USO1: variants seen among roughly 807,000 people sequenced by gnomAD.
USO1 encodes general vesicular transport factor p115.
Under a neutral mutation model 124.5 loss-of-function variants are expected in USO1, and 57 were observed. The ratio of observed to expected loss-of-function variants is 0.46; its 90% CI spans 0.37 to 0.57. The LOEUF (loss-of-function observed/expected upper bound fraction) is 0.57. Among genes scored for constraint, USO1 ranks in the 20% least tolerant of loss-of-function variants. USO1 has a pLI of 0.00. For missense variants in USO1, 900 were observed against 1,040.6 expected (o/e 0.86, Z 1.86); for synonymous variants, 369 against 362.8 (o/e 1.02, Z -0.19).
intron 4 of USO1, among the ~76,000 whole-genome samples, chr4:75,757,943 T>C (rs780706114): frequency 1.3e-5 from 2 of 152,138 alleles, no homozygotes; most frequent in Non-Finnish European, 2.9e-5. Flanking sequence ...ATTAGAGAGT[T>C]TTTCCTAATA....
At chr4:75,803,211 T>C (rs1333470941) in intron 17 of USO1, among the ~76,000 whole-genome samples, 1 of 151,988 alleles carries the variant, frequency 6.6e-6, no homozygotes, top group Non-Finnish European at 1.5e-5. Flanking sequence ...GATTAAAAAT[T>C]ATGGTTTGAA....
chr4:75,805,176 G>A lies in USO1; in HGVS notation c.2162G>A (p.Gly721Glu). The A allele has an allele frequency of 6.2e-7, 1 of 1,609,916 alleles. No homozygotes were observed. Among genetic ancestry groups the A allele is most frequent in the Non-Finnish European group, 8.5e-7 (1 of 1,178,092 alleles). The part of the protein sequence containing the change: ...DNQHQGSYSE[G>E]AQMNGIQPEE... ...CAGCATCAAGGTTCTTACAGTGAGGGGGCTCAGATGAATGGCATTCAGCCA... is the reference window on the plus strand; with the variant it reads ...CAGCATCAAGGTTCTTACAGTGAGGAGGCTCAGATGAATGGCATTCAGCCA... The change falls in exon 19 of 24, where the codon GGG becomes GAG. Residue 721 changes from glycine (G) to glutamate (E), a missense_variant. Gly to Glu is a moderately conservative substitution (Grantham distance 98). Coordinates refer to ENST00000514213, the MANE Select transcript of USO1 (RefSeq NM_003715.4).
intron 1 of USO1, among the ~76,000 whole-genome samples, chr4:75,742,695 A>G (rs192047419): frequency 7.9e-5 from 12 of 152,352 alleles, no homozygotes; most frequent in Admixed American, 6.5e-4. Context: ...ATGAAAATAG[A>G]GTGGATCAAT....
chr4:75,794,104 T>C (rs1363711109), intron 13 of USO1, among the ~76,000 whole-genome samples: 1 of 152,212 alleles, frequency 6.6e-6, no homozygotes. Flanking sequence ...TTATAAGGTC[T>C]GCATCATGAT....
At chr4:75,734,298 G>C (rs565742576) in intron 1 of USO1, among the ~76,000 whole-genome samples, 10 of 152,042 alleles carry the variant, frequency 6.6e-5, no homozygotes, top group African/African-American at 2.4e-4. Flanking sequence ...AATCCATCTT[G>C]AGTTAATTTT....
intron 1 of USO1, among the ~76,000 whole-genome samples, chr4:75,749,159 C>T (rs932687229): frequency 1.3e-5 from 2 of 152,152 alleles, no homozygotes; most frequent in Admixed American, 1.3e-4. Context: ...GTAAAGACTC[C>T]TAGAAATCAT....
rs1255431586 is a variant in USO1, at chr4:75,724,842, T to C, written c.23T>C (p.Met8Thr). 6.2e-7 allele frequency: 1 copy of C among 1,612,530 alleles called. No individual in the cohort carries two copies. The highest frequency in any genetic ancestry group is 8.5e-7 in the Non-Finnish European group (1 of 1,179,460). Residue 8 changes from methionine to threonine, a missense_variant, in exon 1 of 24, where the codon ATG becomes ACG. Physicochemically the swap from Met to Thr is moderately conservative, Grantham distance 81. Transcript: ENST00000514213. ...AAGATGAATTTCCTCCGCGGGGTAA[T>C]GGGGGGTCAGAGTGCCGGACCCCAG... is the stretch of plus-strand genomic sequence containing the variant. MNFLRGV[M>T]GGQSAGPQHT... is the part of the protein sequence containing the mutation.
At chr4:75,807,881 A>T (rs1489873663) in intron 20 of USO1, among the ~76,000 whole-genome samples, 2 of 152,014 alleles carry the variant, frequency 1.3e-5, no homozygotes, top group Admixed American at 1.3e-4. Flanking sequence ...TAAACTTTAG[A>T]TTGTTAAAAT....
intron 18 of USO1, 49 bp downstream of exon 18, chr4:75,804,321 C>T: frequency 6.4e-7 from 1 of 1,570,672 alleles, no homozygotes; most frequent in South Asian, 1.2e-5. Flanking sequence ...TCATTCTTTC[C>T]TCAAGAGCTA....
chr4:75,764,794 A>T (rs970394549), intron 4 of USO1, among the ~76,000 whole-genome samples: 1 of 152,232 alleles, frequency 6.6e-6, no homozygotes, highest in African/African-American at 2.4e-5. Flanking sequence ...ATAAGTTGCC[A>T]CTATTATAAA....
intron 1 of USO1, among the ~76,000 whole-genome samples, chr4:75,734,447 G>A (rs1025134768): frequency 2.0e-5 from 3 of 152,088 alleles, no homozygotes; most frequent in Non-Finnish European, 4.4e-5. Flanking sequence ...GATGGTTGTA[G>A]GTGTGTGGCT....
At chr4:75,795,455 T>C (rs1722651682) in intron 13 of USO1, 1 of 679,136 alleles carries the variant, frequency 1.5e-6, no homozygotes, top group Admixed American at 2.3e-5. Context: ...ACTGCTTGTT[T>C]GAAGTTACAT....
intron 9 of USO1, among the ~76,000 whole-genome samples, chr4:75,784,858 C>T (rs1350182030): frequency 1.3e-5 from 2 of 151,742 alleles, no homozygotes; most frequent in South Asian, 2.1e-4. Flanking sequence ...ACAGTATTCT[C>T]GTTATATAAC....
At chr4:75,781,195 G>A (rs1560451741) in intron 8 of USO1, among the ~76,000 whole-genome samples, 1 of 152,108 alleles carries the variant, frequency 6.6e-6, no homozygotes. Flanking sequence ...GACTTTAGTG[G>A]AGGAACCAAC....
chr4:75,800,937 G>A, intron 16 of USO1, 138 bp downstream of exon 16: 6 of 1,417,364 alleles, frequency 4.2e-6, no homozygotes, highest in Non-Finnish European at 5.6e-6. Context: ...GTAGCCCATT[G>A]AAGGACATTT....
intron 3 of USO1, among the ~76,000 whole-genome samples, chr4:75,757,133 A>G (rs1308880864): frequency 6.6e-6 from 1 of 152,016 alleles, no homozygotes; most frequent in African/African-American, 2.4e-5. Flanking sequence ...ATAAATTTTT[A>G]TATTTTTCCA....
At position 75,793,776 on chromosome 4, in the gene USO1, G is replaced by C; in HGVS notation, c.1327G>C (p.Ala443Pro). 3.7e-6 allele frequency: 6 copies of C among 1,613,878 alleles called. No individual in the cohort carries two copies. The highest frequency in any genetic ancestry group is 5.1e-6 in the Non-Finnish European group (6 of 1,179,868). The change falls in exon 13 of 24, where the codon GCC becomes CCC. Residue 443 changes from alanine (A) to proline (P), a missense_variant. By Grantham distance (27) the Ala-to-Pro change is conservative (BLOSUM62 -1). This residue lies in a region of USO1 where 538 missense variants were observed against 681.6 expected (regional missense o/e 0.79). Transcript: ENST00000514213. ...ACTTTCAAACTGGTGTGCTGCTGTGGCCCTTGCCCATGCGTTGCAAGAAAA... is the reference window on the plus strand; with the variant it reads ...ACTTTCAAACTGGTGTGCTGCTGTGCCCCTTGCCCATGCGTTGCAAGAAAA... The part of the protein sequence containing the change: ...DSLSNWCAAV[A>P]LAHALQENAT...
chr4:75,786,147 CT>C (rs1195810743), intron 9 of USO1, among the ~76,000 whole-genome samples: 1 of 151,988 alleles, frequency 6.6e-6, no homozygotes, highest in African/African-American at 2.4e-5. Context: ...ACTTTTCAAA[CT>C]TTTTTTTGTT....
rs1723006565 is a variant in USO1, at chr4:75,806,679, A to G, written c.2376+107A>G. On this transcript the variant is annotated intron_variant, in intron 20 of 23. Coordinates refer to ENST00000514213, the MANE Select transcript of USO1 (RefSeq NM_003715.4). ...GAACTATATTAGCAGATGTAAGTAA[A>G]ATTTAAGTTAAGACAGCCATTTGAA... 2.2e-6 allele frequency: 3 copies of G among 1,386,186 alleles called. No individual in the cohort carries two copies. The Admixed American group carries it at 9.0e-5, about 42-fold the overall frequency. The allele number at this position is 1,386,186 out of a possible 1,614,324, so 85.9% of individuals were successfully genotyped here. A position where few individuals can be genotyped will look rare whatever the true frequency, so the allele number is the denominator to read the frequency against.
Sources: allele counts gnomAD v4.1 joint callset (sites outside exome capture counted in the v4.1 genomes callset), GRCh38; gene constraint gnomAD v4.1.1; regional missense constraint gnomAD v4.1.1; transcripts MANE v1.5; gene names NCBI Gene and HGNC (gene_info 2026-07-23, HGNC 2026-07-21).